Variants in BRWD1 observed in about 807,000 individuals in gnomAD.
BRWD1 encodes the protein bromodomain and WD repeat-containing protein 1.
In BRWD1, 82 loss-of-function variants were observed where a neutral mutation model predicts 251.2. The ratio of observed to expected loss-of-function variants is 0.33; its 90% confidence interval spans 0.27 to 0.39. The LOEUF is 0.39. Among genes scored for constraint, BRWD1 ranks in the 10% least tolerant of loss-of-function variants. The pLI, the probability that BRWD1 is intolerant of heterozygous loss-of-function variation, is 1.00. For missense variants in BRWD1, 2,233 were observed against 2,711.6 expected (o/e 0.82, Z 3.92); for synonymous variants, 918 against 902.8 (o/e 1.02, Z -0.30).
rs1307043527 is a variant in BRWD1, at chr21:39,295,760, C to T, written c.592G>A (p.Gly198Arg). ...AVYCVAFDRT[G>R]HRIFTGSDDC... ...TTACTCACTGTAAAGATTCTATGTCCTGTCCTATCAAATGCTACACAGTAA... is the reference window on the plus strand; with the variant it reads ...TTACTCACTGTAAAGATTCTATGTCTTGTCCTATCAAATGCTACACAGTAA... The change falls in exon 7 of 41, where the codon GGA becomes AGA. Residue 198 changes from glycine to arginine, a missense_variant. Physicochemically the swap from Gly to Arg is moderately radical, Grantham distance 125. Around this residue, in one of 12 missense-constraint regions of BRWD1, gnomAD observed 185 missense variants for 260.6 expected, o/e 0.71. Transcript: ENST00000342449. The T allele has an allele frequency of 1.2e-6, 2 of 1,601,410 alleles. No individual in the cohort carries two copies. The highest frequency in any genetic ancestry group is 8.5e-7 in the Non-Finnish European group (1 of 1,173,098).
chr21:39,208,735 A>AT (rs900785200), intron 36 of BRWD1, among the ~76,000 whole-genome samples: 4 of 151,866 alleles, frequency 2.6e-5, no homozygotes, highest in Admixed American at 6.6e-5. Flanking sequence ...ACACGGGCTA[A>AT]TTTTTTTATC....
chr21:39,194,173 T>C lies in BRWD1; in HGVS notation c.*2086A>G, dbSNP rs2031694538. ...ATTAATGCAGTCCAAATAATCAGAA[T>C]AGTTCTATTAATGAAGCCTAAACTG... On this transcript the variant is annotated 3_prime_UTR_variant, in exon 41 of 41. Coordinates refer to ENST00000342449, the MANE Select transcript of BRWD1 (RefSeq NM_033656.4). The C allele has an allele frequency of 4.9e-5, 48 of 984,662 alleles. No homozygotes were observed. The highest frequency in any genetic ancestry group is 5.2e-5 in the Non-Finnish European group (43 of 829,114). 61.0% of individuals were successfully genotyped at this position (984,662 alleles called of 1,614,324 possible).
At chr21:39,295,999 C>T in intron 6 of BRWD1, 96 bp from the exon 7 acceptor site, 4 of 1,118,298 alleles carry the variant, frequency 3.6e-6, no homozygotes, top group Non-Finnish European at 4.8e-6. Context: ...TCACAAAAAT[C>T]TATGTTCAAG....
rs768312635 is a variant in BRWD1, at chr21:39,191,141, T to C, written c.*5118A>G. 590 of 985,196 alleles carry C rather than the reference T, an allele frequency of 6.0e-4. No homozygotes were observed. The highest frequency in any genetic ancestry group is 7.0e-4 in the Non-Finnish European group (578 of 829,910). 61.0% of individuals were successfully genotyped at this position (985,196 alleles called of 1,614,324 possible). A position where few individuals can be genotyped will look rare whatever the true frequency, so the allele number is the denominator to read the frequency against. ...AAATGCAGGCAGAATCAGAAGTAAA[T>C]ACTTGTTTTCAATCTACCCTATTAC... On this transcript the variant is annotated 3_prime_UTR_variant, in exon 41 of 41. Transcript: ENST00000342449.
intron 7 of BRWD1, 125 bp downstream of exon 7, chr21:39,295,618 C>G (rs1280330740): frequency 1.5e-6 from 1 of 662,980 alleles, no homozygotes; most frequent in African/African-American, 1.8e-5. Context: ...TCGTGAGACC[C>G]ACACCATACC....
At chr21:39,307,341 A>AT (rs966426664) in intron 4 of BRWD1, among the ~76,000 whole-genome samples, 3 of 151,902 alleles carry the variant, frequency 2.0e-5, no homozygotes, top group African/African-American at 4.8e-5. Context: ...TTATTTTGTA[A>AT]TTTTTTTTAC....
intron 8 of BRWD1, among the ~76,000 whole-genome samples, chr21:39,288,183 A>T (rs1005791049): frequency 6.6e-6 from 1 of 152,226 alleles, no homozygotes; most frequent in Non-Finnish European, 1.5e-5. Context: ...GGGCAGTTTG[A>T]GTGTGCAATC....
At chr21:39,296,417 G>A in intron 5 of BRWD1, 54 bp from the exon 6 acceptor site, 1 of 1,485,314 alleles carries the variant, frequency 6.7e-7, no homozygotes, top group Non-Finnish European at 8.9e-7. Flanking sequence ...CCCCAAGAAA[G>A]ATTTTATAGA....
At chr21:39,269,240 C>T (rs1201123235) in intron 15 of BRWD1, among the ~76,000 whole-genome samples, 3 of 133,314 alleles carry the variant, frequency 2.3e-5, no homozygotes, top group Admixed American at 1.5e-4. Flanking sequence ...TATACATATG[C>T]AAAAAAAAAA....
chr21:39,255,282 G>T (rs570378866), intron 19 of BRWD1, among the ~76,000 whole-genome samples: 5 of 150,864 alleles, frequency 3.3e-5, no homozygotes, highest in Admixed American at 2.0e-4. Flanking sequence ...TGTGGTGGCG[G>T]GCGCCTGTAA....
chr21:39,294,458 C>T (rs1257966254), intron 7 of BRWD1, among the ~76,000 whole-genome samples: 1 of 150,134 alleles, frequency 6.7e-6, no homozygotes, highest in Non-Finnish European at 1.5e-5. Context: ...GAGATCGAGA[C>T]CATCCTGGCT....
rs2031866710 is a variant in BRWD1, at chr21:39,197,184, T to C, written c.5885A>G (p.Lys1962Arg). ...AGTACAAGCAAGATGGAGAGGTTTTTTCCTTCCATTTTTGCTTCTAGTGTG... is the reference window on the plus strand; with the variant it reads ...AGTACAAGCAAGATGGAGAGGTTTTCTCCTTCCATTTTTGCTTCTAGTGTG... ...NVHTRSKNGR[K>R]KPLHLACTTA... Residue 1962 changes from lysine to arginine, a missense_variant, in exon 41 of 41, where the codon AAA becomes AGA. Lys to Arg is a conservative substitution (Grantham distance 26). Coordinates refer to ENST00000342449, the MANE Select transcript of BRWD1 (RefSeq NM_033656.4). The C allele has an allele frequency of 6.2e-7, 1 of 1,613,992 alleles. No homozygotes were observed. Among genetic ancestry groups the C allele is most frequent in the Admixed American group, 1.7e-5 (1 of 60,004 alleles).
intron 19 of BRWD1, 71 bp downstream of exon 19, chr21:39,255,574 G>T: frequency 1.6e-6 from 2 of 1,258,378 alleles, no homozygotes; most frequent in South Asian, 1.3e-5. Context: ...ATGGAATACA[G>T]AATGTGTAAA....
chr21:39,293,131 TTC>T (rs1208641780), intron 8 of BRWD1, among the ~76,000 whole-genome samples: 1 of 152,232 alleles, frequency 6.6e-6, no homozygotes, highest in Non-Finnish European at 1.5e-5. Flanking sequence ...GTTTATACAA[TTC>T]TGTCTACTCT....
At chr21:39,223,760 G>C (rs1003589882) in intron 29 of BRWD1, among the ~76,000 whole-genome samples, 4 of 152,206 alleles carry the variant, frequency 2.6e-5, no homozygotes, top group African/African-American at 9.7e-5. Flanking sequence ...ACAGATGGAA[G>C]TCAAGTTCAA....
At chr21:39,282,745 G>A (rs1252842987) in intron 8 of BRWD1, among the ~76,000 whole-genome samples, 1 of 152,094 alleles carries the variant, frequency 6.6e-6, no homozygotes, top group Non-Finnish European at 1.5e-5. Flanking sequence ...ATCACCTGAG[G>A]TCAGGAGTTC....
At chr21:39,289,190 T>G (rs1051308718) in intron 8 of BRWD1, among the ~76,000 whole-genome samples, 2 of 152,218 alleles carry the variant, frequency 1.3e-5, no homozygotes, top group Non-Finnish European at 2.9e-5. Context: ...TATTAGTACA[T>G]ATTTCCCCAC....
chr21:39,310,689 T>C (rs192221039), intron 4 of BRWD1, among the ~76,000 whole-genome samples: 147 of 152,330 alleles, frequency 9.7e-4, no homozygotes, highest in Admixed American at 2.6e-3. Context: ...GAAATACTTC[T>C]TTTTTGTTGT....
Position 39,188,032 on chromosome 21 carries a change from C to T in BRWD1, c.*8227G>A, listed in dbSNP as rs1004727926. ...TTTTTAGAGGGGGCTTGAAATCACA[C>T]TGGAGCTCTACACAGCCACATGATG... On this transcript the variant is annotated 3_prime_UTR_variant, in exon 41 of 41. Coordinates refer to ENST00000342449, the MANE Select transcript of BRWD1 (RefSeq NM_033656.4). 1.1e-5 allele frequency: 11 copies of T among 980,764 alleles called. No individual in the cohort carries two copies. The African/African-American group carries it at 1.8e-4, about 16-fold the overall frequency. 60.8% of individuals were successfully genotyped at this position (980,764 alleles called of 1,614,324 possible).
Sources: gnomAD v4.1 joint callset for allele counts (sites outside exome capture counted in the v4.1 genomes callset) on GRCh38, gnomAD v4.1.1 for gene constraint, gnomAD v4.1.1 regional missense constraint, MANE v1.5 for transcripts, NCBI Gene and HGNC (gene_info 2026-07-23, HGNC 2026-07-21) for gene names.